CREB3L4: variants seen among roughly 807,000 people sequenced by gnomAD.
CREB3L4 encodes the protein cyclic AMP-responsive element-binding protein 3-like protein 4.
A neutral mutation model predicts 37.0 loss-of-function variants in CREB3L4; 28 were observed. The observed-to-expected ratio is 0.76, with a 90% CI of 0.56 to 1.04. The LOEUF (loss-of-function observed/expected upper bound fraction) is 1.04. Among genes scored for constraint, CREB3L4 ranks in the 50% least tolerant of loss-of-function variants. CREB3L4 has a pLI of 0.00. For missense variants in CREB3L4, 462 were observed against 486.0 expected, an observed-to-expected ratio of 0.95 and a Z score of 0.46; for synonymous variants, 175 against 192.2, an observed-to-expected ratio of 0.91 and a Z score of 0.74.
intron 1 of CREB3L4, 158 bp downstream of exon 1, chr1:153,968,322 G>C (rs916990418): frequency 5.4e-6 from 3 of 556,306 alleles, no homozygotes; most frequent in East Asian, 5.9e-5. Context: ...TAATGCTTGG[G>C]GGGGGCCTCT....
intron 9 of CREB3L4, 63 bp from the exon 10 acceptor site, chr1:153,973,809 C>T (rs2102179540): frequency 6.4e-7 from 1 of 1,570,568 alleles, no homozygotes; most frequent in East Asian, 2.3e-5. Flanking sequence ...GAGGTCCTGT[C>T]CTGTCTAGGG....
At chr1:153,968,873 C>A in intron 2 of CREB3L4, 57 bp from the exon 3 acceptor site, 2 of 1,549,420 alleles carry the variant, frequency 1.3e-6, no homozygotes, top group South Asian at 2.5e-5. Flanking sequence ...AAGCATAAGT[C>A]AGGGAGGACT....
intron 4 of CREB3L4, among the ~76,000 whole-genome samples, 196 bp from the exon 5 acceptor site, chr1:153,972,548 C>A (rs934779880): frequency 6.6e-6 from 1 of 152,132 alleles, no homozygotes; most frequent in East Asian, 1.9e-4. Flanking sequence ...CCCTTCTTGG[C>A]CTCAGGATGT....
At chr1:153,969,642 A>C in intron 4 of CREB3L4, 187 bp downstream of exon 4, 1 of 608,130 alleles carries the variant, frequency 1.6e-6, no homozygotes, top group Non-Finnish European at 2.8e-6. Flanking sequence ...CCAGGGTCTT[A>C]CTCTGTCATC....
intron 1 of CREB3L4, 124 bp downstream of exon 1, chr1:153,968,288 C>T (rs1416327540): frequency 6.9e-6 from 3 of 434,590 alleles, no homozygotes; most frequent in East Asian, 3.9e-5. Context: ...GCTGGCTTGA[C>T]AGGGCTGGGC....
chr1:153,970,541 G>A (rs1648265918), intron 4 of CREB3L4, among the ~76,000 whole-genome samples: 1 of 152,094 alleles, frequency 6.6e-6, no homozygotes, highest in Admixed American at 6.6e-5. Flanking sequence ...TGTAGCAGAG[G>A]TATCACATTA....
Position 153,968,542 on chromosome 1 carries a change from C to G in CREB3L4, c.17C>G (p.Pro6Arg). 6.2e-7 allele frequency: 1 copy of G among 1,613,822 alleles called. No individual in the cohort carries two copies. Among genetic ancestry groups the G allele is most frequent in the Non-Finnish European group, 8.5e-7 (1 of 1,179,884 alleles). MDLGI[P>R]DLLDAWLEPP... ...TGCAGAAGCATGGATCTCGGAATCC[C>G]TGACCTGCTGGACGCGTGGCTGGAG... Residue 6 changes from proline to arginine, a missense_variant, in exon 2 of 10, where the codon CCT (proline) becomes CGT (arginine). Transcript: ENST00000368607.
intron 4 of CREB3L4, among the ~76,000 whole-genome samples, chr1:153,971,480 G>T (rs1478259790): frequency 6.6e-6 from 1 of 151,794 alleles, no homozygotes; most frequent in Non-Finnish European, 1.5e-5. Flanking sequence ...TGTTGCCCAG[G>T]TTGGTCTCGA....
chr1:153,973,863 A>G lies in CREB3L4; in HGVS notation c.995-9A>G. 1 of 1,613,618 alleles carries G rather than the reference A, an allele frequency of 6.2e-7. No individual in the cohort carries two copies. The highest frequency in any genetic ancestry group is 8.5e-7 in the Non-Finnish European group (1 of 1,179,696). ...ACTCTACTACTGCCCTCTTGCCTTCACCTCACAGTGACTTCCAGAAATATC... is the reference window on the plus strand; with the variant it reads ...ACTCTACTACTGCCCTCTTGCCTTCGCCTCACAGTGACTTCCAGAAATATC... On this transcript the variant is annotated splice_polypyrimidine_tract_variant and intron_variant, in intron 9 of 9. Transcript: ENST00000368607.
Position 153,968,608 on chromosome 1 carries a change from TG to T in CREB3L4, c.86del (p.Gly29AspfsTer11), listed in dbSNP as rs767910095. 10 of 1,613,840 alleles carry T rather than the reference TG, an allele frequency of 6.2e-6. No homozygotes were observed. The highest frequency in any genetic ancestry group is 2.2e-5 in the South Asian group (2 of 91,080). On this transcript the variant is annotated frameshift_variant, in exon 2 of 10. Transcript: ENST00000368607. LOFTEE classifies it high-confidence loss of function. ...TTCTCGACAGGATCCGTCCTGGAGC[TG>T]GGACTCCACTGCCCCCCTCCAGAGG... ...DIFSTGSVLE[L>X]GLHCPPPEVP... is the part of the protein sequence containing the mutation.
chr1:153,969,301 T>C, intron 3 of CREB3L4, 33 bp from the exon 4 acceptor site: 1 of 1,614,194 alleles, frequency 6.2e-7, no homozygotes, highest in Non-Finnish European at 8.5e-7. Flanking sequence ...TTCCTAAGTC[T>C]CCTTTCTCCC....
rs1440183067 is a variant in CREB3L4, at chr1:153,970,001, T to C, written c.543+546T>C. 7.4e-5 allele frequency among the ~76,000 whole-genome samples: 11 copies of C among 147,780 alleles called. 1 individual carries two copies. Among genetic ancestry groups the C allele is most frequent in the Non-Finnish European group, 1.5e-4 (10 of 67,480 alleles). Reference sequence around the variant, plus strand: ...TGGAGTGTGGTGGCACCATCTCAGCTCACTGCAACCTCTGCCTCCCGGGTT... The same window carrying C: ...TGGAGTGTGGTGGCACCATCTCAGCCCACTGCAACCTCTGCCTCCCGGGTT... On this transcript the variant is annotated intron_variant, in intron 4 of 9. Transcript: ENST00000368607.
At chr1:153,973,115 G>A in intron 6 of CREB3L4, 37 bp downstream of exon 6, 2 of 1,612,198 alleles carry the variant, frequency 1.2e-6, no homozygotes, top group South Asian at 1.1e-5. Flanking sequence ...TGTGGGCCAT[G>A]TCTGGGCCCC....
intron 4 of CREB3L4, among the ~76,000 whole-genome samples, chr1:153,971,905 C>T (rs930467797): frequency 6.6e-6 from 1 of 152,122 alleles, no homozygotes; most frequent in Non-Finnish European, 1.5e-5. Flanking sequence ...TCACTGCAAC[C>T]TCCACCTCCC....
intron 4 of CREB3L4, 47 bp from the exon 5 acceptor site, chr1:153,972,697 G>T: frequency 6.7e-7 from 1 of 1,495,550 alleles, no homozygotes; most frequent in South Asian, 1.2e-5. Flanking sequence ...CAAATGGGAT[G>T]ACCCCCTCCT....
chr1:153,969,618 T>C, intron 4 of CREB3L4, 163 bp downstream of exon 4: 1 of 752,946 alleles, frequency 1.3e-6, no homozygotes, highest in South Asian at 1.9e-5. Flanking sequence ...TTGAACTATT[T>C]TTTATTTTTT....
intron 8 of CREB3L4, 71 bp downstream of exon 8, chr1:153,973,535 C>G: frequency 6.4e-7 from 1 of 1,565,708 alleles, no homozygotes; most frequent in Non-Finnish European, 8.8e-7. Context: ...CCGGCCAGAT[C>G]TACTTCCCAC....
intron 5 of CREB3L4, 21 bp downstream of exon 5, chr1:153,972,857 G>T (rs1648519618): frequency 6.2e-7 from 1 of 1,609,550 alleles, no homozygotes; most frequent in African/African-American, 1.3e-5. Flanking sequence ...TCCCCTAAGG[G>T]TATCCCAACC....
chr1:153,973,293 G>A (rs766406787), intron 7 of CREB3L4, 30 bp downstream of exon 7: 2 of 1,613,002 alleles, frequency 1.2e-6, no homozygotes, highest in Admixed American at 1.7e-5. Context: ...GTGTATGTGT[G>A]TTTTGAAGGC....
Sources: allele counts gnomAD v4.1 joint callset (sites outside exome capture counted in the v4.1 genomes callset), GRCh38; gene constraint gnomAD v4.1.1; transcripts MANE v1.5; gene names NCBI Gene and HGNC (gene_info 2026-07-23, HGNC 2026-07-21).